The following MYT1L variants were observed in gnomAD, a reference collection of about 807,000 sequenced individuals.
MYT1L encodes myelin transcription factor 1-like protein.
A neutral mutation model predicts 126.7 loss-of-function variants in MYT1L; 12 were observed. The observed-to-expected ratio is 0.09, with a 90% CI of 0.06 to 0.15. MYT1L has a LOEUF of 0.15. Ranked by LOEUF, MYT1L falls within the 10% of genes least tolerant of loss-of-function variation. The pLI, the probability that MYT1L is intolerant of heterozygous loss-of-function variation, is 1.00. For synonymous variants in MYT1L, 541 were observed against 604.2 expected (o/e 0.90, Z 1.53); for missense variants, 979 against 1,585.2 (o/e 0.62, Z 6.49).
At chr2:2,147,781 C>A (rs568441261) in intron 3 of MYT1L, among the ~76,000 whole-genome samples, 1 of 152,344 alleles carries the variant, frequency 6.6e-6, no homozygotes, top group Admixed American at 6.5e-5. Flanking sequence ...ACAGCTGGGG[C>A]ACATAGCAAG....
intron 2 of MYT1L, among the ~76,000 whole-genome samples, chr2:2,176,386 A>T (rs1265978394): frequency 6.6e-6 from 1 of 152,146 alleles, no homozygotes; most frequent in African/African-American, 2.4e-5. Context: ...TATTTGGAAC[A>T]TTGGAAAGTA....
intron 1 of MYT1L, among the ~76,000 whole-genome samples, chr2:2,310,758 G>C (rs78776860): frequency 0.2 from 30,286 of 152,028 alleles, 3,490 homozygotes; most frequent in South Asian, 0.28. Flanking sequence ...CTATAAATTT[G>C]TCTTTCCTTC....
At chr2:2,088,687 C>T (rs2076600122) in intron 3 of MYT1L, among the ~76,000 whole-genome samples, 1 of 152,120 alleles carries the variant, frequency 6.6e-6, no homozygotes, top group African/African-American at 2.4e-5. Flanking sequence ...TAATTTTCCT[C>T]TACTTGAGCT....
At chr2:2,262,516 C>G (rs543198731) in intron 2 of MYT1L, among the ~76,000 whole-genome samples, 5 of 151,918 alleles carry the variant, frequency 3.3e-5, no homozygotes, top group Non-Finnish European at 7.4e-5. Flanking sequence ...CACAGTGAAA[C>G]CCCGTCTCTA....
chr2:2,139,708 T>G (rs918271966), intron 3 of MYT1L, among the ~76,000 whole-genome samples: 2 of 152,078 alleles, frequency 1.3e-5, no homozygotes, highest in South Asian at 4.2e-4. Flanking sequence ...ACGTCCGCAC[T>G]GCACAAGAGG....
Position 2,004,208 on chromosome 2 carries a change from T to G in MYT1L, c.-157-6861A>C, listed in dbSNP as rs1323181268. 3.0e-4 allele frequency among the ~76,000 whole-genome samples: 29 copies of G among 96,046 alleles called. 1 individual carries two copies. The highest frequency in any genetic ancestry group is 8.1e-4 in the African/African-American group (21 of 25,892). 63.0% of individuals were successfully genotyped at this position (96,046 alleles called of 152,430 possible). On this transcript the variant is annotated intron_variant, in intron 4 of 24. Transcript: ENST00000647738. ...TTTCCTGCAGGCGTTCTTTCCTGAA[T>G]GTGTTCTTTCCTGCAGGCGTTCTTT...
chr2:2,097,661 C>G (rs1353534857), intron 3 of MYT1L, among the ~76,000 whole-genome samples: 2 of 152,118 alleles, frequency 1.3e-5, no homozygotes, highest in African/African-American at 4.8e-5. Flanking sequence ...TGAGACTTAC[C>G]TAAGTTCACA....
chr2:2,132,090 T>C (rs1286609076), intron 3 of MYT1L, among the ~76,000 whole-genome samples: 2 of 151,494 alleles, frequency 1.3e-5, no homozygotes, highest in Non-Finnish European at 2.9e-5. Flanking sequence ...GTATTTCTAG[T>C]AGAGATGGGG....
rs978769384 is a variant in MYT1L at position 1,929,206 on chromosome 2, C to T, written c.506-5943G>A. Among the ~76,000 whole-genome samples the T allele has an allele frequency of 7.2e-5, 11 of 152,128 alleles. No individual in the cohort carries two copies. Among genetic ancestry groups the T allele is most frequent in the Non-Finnish European group, 1.3e-4 (9 of 68,018 alleles). On this transcript the variant is annotated intron_variant, in intron 9 of 24. Coordinates refer to ENST00000647738, the MANE Select transcript of MYT1L (RefSeq NM_001303052.2). The surrounding 1 kb of genome is among the most constrained non-coding windows in gnomAD (Gnocchi z 4.7). ...CCAGCCCGGGTGGCCTTCAGTCGGGCACCTCTCCTAGGTGCGGCGCTGACC... is the reference window on the plus strand; with the variant it reads ...CCAGCCCGGGTGGCCTTCAGTCGGGTACCTCTCCTAGGTGCGGCGCTGACC...
intron 18 of MYT1L, among the ~76,000 whole-genome samples, chr2:1,866,662 G>GGGGAGGGAGGGAGAGAGAGAGGCA (rs2045561641): frequency 2.0e-5 from 1 of 48,814 alleles, no homozygotes. Flanking sequence ...AGAGAGAGAG[G>GGGGAGGGAGGGAGAGAGAGAGGCA]GAGAGGGAGG....
At position 2,166,199 on chromosome 2, in the gene MYT1L, T is replaced by G. The variant is rs189629994; in HGVS notation, c.-304+6673A>C. Among the ~76,000 whole-genome samples, 296 of 152,244 alleles carry G rather than the reference T, an allele frequency of 1.9e-3. 8 individuals carry two copies. In the East Asian group the frequency reaches 0.03, roughly 15 times the overall value. ...TCCCTGTTTTCTTCCTTCCCTCCTC[T>G]CTCTCCCACCGTTATAAACTCATGA... On this transcript the variant is annotated intron_variant, in intron 3 of 24. Transcript: ENST00000647738.
chr2:2,293,711 C>T (rs1429056936), intron 1 of MYT1L, among the ~76,000 whole-genome samples: 2 of 152,174 alleles, frequency 1.3e-5, no homozygotes, highest in Admixed American at 1.3e-4. Context: ...AAGGACCTGC[C>T]CCTCGGCCTG....
intron 8 of MYT1L, among the ~76,000 whole-genome samples, chr2:1,978,604 T>C (rs6714185): frequency 0.43 from 65,163 of 151,886 alleles, 16,495 homozygotes; most frequent in African/African-American, 0.72. Context: ...CTGGTATTTA[T>C]AAGATTAATG....
intron 21 of MYT1L, among the ~76,000 whole-genome samples, chr2:1,813,580 G>A (rs945647145): frequency 1.3e-4 from 20 of 152,278 alleles, no homozygotes; most frequent in Admixed American, 5.2e-4. Context: ...CTCCCGACAC[G>A]TCAGCGGCGG....
intron 9 of MYT1L, among the ~76,000 whole-genome samples, chr2:1,934,934 T>TTGA (rs1163248478): frequency 6.6e-6 from 1 of 152,198 alleles, no homozygotes; most frequent in African/African-American, 2.4e-5. Context: ...CACAGGTGGC[T>TTGA]GCTCACATAA....
chr2:2,229,470 C>T (rs957659065), intron 2 of MYT1L, among the ~76,000 whole-genome samples: 1 of 151,906 alleles, frequency 6.6e-6, no homozygotes, highest in Non-Finnish European at 1.5e-5. Flanking sequence ...TGGATACAGT[C>T]TCACTCTGCT....
intron 2 of MYT1L, among the ~76,000 whole-genome samples, chr2:2,244,967 C>T (rs1019908507): frequency 6.6e-6 from 1 of 152,204 alleles, no homozygotes; most frequent in Non-Finnish European, 1.5e-5. Flanking sequence ...CTATGTGCAA[C>T]ATTGTATCCT....
intron 3 of MYT1L, among the ~76,000 whole-genome samples, chr2:2,108,449 CA>C (rs1182759207): frequency 1.3e-5 from 2 of 152,164 alleles, no homozygotes; most frequent in African/African-American, 2.4e-5. Context: ...TGTCTGCTGC[CA>C]TATTTATGCA....
At chr2:2,077,506 T>A (rs1187325922) in intron 3 of MYT1L, among the ~76,000 whole-genome samples, 1 of 152,150 alleles carries the variant, frequency 6.6e-6, no homozygotes, top group African/African-American at 2.4e-5. Context: ...AATTAAATGG[T>A]CTACAAAATG....
Sources: gnomAD v4.1 joint callset for allele counts (sites outside exome capture counted in the v4.1 genomes callset) on GRCh38, gnomAD v4.1.1 for gene constraint, Gnocchi (gnomAD v3.1) non-coding constraint, MANE v1.5 for transcripts, NCBI Gene and HGNC (gene_info 2026-07-23, HGNC 2026-07-21) for gene names.